MSS51: variants seen among roughly 807,000 people sequenced by gnomAD.
MSS51 encodes MSS51 mitochondrial translational activator.
In MSS51, 32 loss-of-function variants were observed where a neutral mutation model predicts 40.2. The ratio of observed to expected loss-of-function variants is 0.80; its 90% CI spans 0.60 to 1.07. MSS51 has a LOEUF of 1.07. Ranked by LOEUF, MSS51 falls within the 50% of genes least tolerant of loss-of-function variation. MSS51 has a pLI of 0.00. For missense variants in MSS51, 518 were observed against 568.9 expected, an observed-to-expected ratio of 0.91 and a Z score of 0.91; for synonymous variants, 178 against 214.2, an observed-to-expected ratio of 0.83 and a Z score of 1.48.
At position 73,426,637 on chromosome 10, in the gene MSS51, C is replaced by T; in HGVS notation, c.472G>A (p.Asp158Asn). Reference protein sequence around the residue: ...VCQELRLVAVDRLMEWLLVTG... With the variant: ...VCQELRLVAVNRLMEWLLVTG... ...ACCAGAAGCCATTCCATGAGACGGT[C>T]CACAGCCACAAGACGAAGCTCTTGA... Residue 158 changes from aspartate to asparagine, a missense_variant, in exon 4 of 7, where the codon GAC becomes AAC. By Grantham distance (23) the Asp-to-Asn change is conservative. Transcript: ENST00000299432. 1.2e-6 allele frequency: 2 copies of T among 1,614,234 alleles called. No homozygotes were observed. Among genetic ancestry groups the T allele is most frequent in the South Asian group, 1.1e-5 (1 of 91,090 alleles).
At chr10:73,427,794 T>A (rs372961817) in intron 2 of MSS51, 26 bp from the exon 3 acceptor site, 2 of 1,610,514 alleles carry the variant, frequency 1.2e-6, no homozygotes, top group East Asian at 4.5e-5. Flanking sequence ...GGAGAAGGAA[T>A]GACAATGGGG....
At position 73,424,609 on chromosome 10, in the gene MSS51, T is replaced by G. The variant is rs1243783146; in HGVS notation, c.1327A>C (p.Ser443Arg). Residue 443 changes from serine (S) to arginine (R), a missense_variant, in exon 7 of 7, where the codon AGC (serine) becomes CGC (arginine). Physicochemically the swap from Ser to Arg is moderately radical, Grantham distance 110 (BLOSUM62 -1). Coordinates refer to ENST00000299432, the MANE Select transcript of MSS51 (RefSeq NM_001024593.2). The part of the protein sequence containing the change: ...CSAYYIMFLG[S>R]SCQLDNRQLE... ...TGCCTATTATCCAGCTGACAGGAGC[T>G]TCCAAGAAACATGATATAGTATGCA... 1 of 1,614,024 alleles carries G rather than the reference T, an allele frequency of 6.2e-7. No homozygotes were observed. Among genetic ancestry groups the G allele is most frequent in the Non-Finnish European group, 8.5e-7 (1 of 1,180,014 alleles).
intron 6 of MSS51, 92 bp downstream of exon 6, chr10:73,425,006 G>T: frequency 1.0e-6 from 1 of 988,422 alleles, no homozygotes; most frequent in Non-Finnish European, 1.6e-6. Flanking sequence ...TCACCAGAAG[G>T]TAGATGAGCA....
At chr10:73,433,458 C>T (rs1009181108) in intron 1 of MSS51, 55 bp downstream of exon 1, 4 of 152,014 alleles carry the variant, frequency 2.6e-5, no homozygotes, top group African/African-American at 9.7e-5. Context: ...GTGATAAATA[C>T]TTTACTCAAT....
chr10:73,426,099 C>G lies in MSS51; in HGVS notation c.781G>C (p.Gly261Arg), dbSNP rs1406601311. The G allele has an allele frequency of 1.9e-6, 3 of 1,614,228 alleles. No individual in the cohort carries two copies. Among genetic ancestry groups the G allele is most frequent in the Non-Finnish European group, 2.5e-6 (3 of 1,180,040 alleles). ...RALGIDVRRT[G>R]GSTVHVVGAS... ...CCAACCACATGCACTGTGCTTCCCC[C>G]AGTCCTCCTAACATCTATCCCCAAG... Residue 261 changes from glycine (G) to arginine (R), a missense_variant, in exon 5 of 7, where the codon GGG becomes CGG. Gly to Arg is a moderately radical substitution (Grantham distance 125). Transcript: ENST00000299432.
intron 3 of MSS51, among the ~76,000 whole-genome samples, chr10:73,427,130 A>G (rs573653728): frequency 2.6e-5 from 4 of 152,238 alleles, no homozygotes; most frequent in African/African-American, 4.8e-5. Flanking sequence ...TCACTTCCCA[A>G]TAACACCAAA....
At chr10:73,427,310 G>T (rs1015883563) in intron 3 of MSS51, among the ~76,000 whole-genome samples, 4 of 124,404 alleles carry the variant, frequency 3.2e-5, no homozygotes, top group Non-Finnish European at 4.7e-5. Flanking sequence ...ACAGAGTCTC[G>T]CTCTGTCATC....
chr10:73,429,700 G>C, intron 1 of MSS51: 1 of 455,798 alleles, frequency 2.2e-6, no homozygotes, highest in South Asian at 1.5e-5. Context: ...TGAGTAAACA[G>C]AAAGGACCAT....
chr10:73,425,470 C>A (rs548604850), intron 5 of MSS51, among the ~76,000 whole-genome samples: 1 of 151,488 alleles, frequency 6.6e-6, no homozygotes, highest in Admixed American at 6.6e-5. Flanking sequence ...GTCAGGAGAT[C>A]GAGATCATCG....
chr10:73,428,163 C>T lies in MSS51; in HGVS notation c.122G>A (p.Ser41Asn), dbSNP rs777545701. Residue 41 changes from serine (S) to asparagine (N), a missense_variant, in exon 2 of 7, where the codon AGC (serine) becomes AAC (asparagine). By Grantham distance (46) the Ser-to-Asn change is conservative. Transcript: ENST00000299432. Reference protein sequence around the residue: ...VPLTPSKPGPSIDTLGFFSLD... With the variant: ...VPLTPSKPGPNIDTLGFFSLD... ...GGAGAAGAAGCCAAGTGTGTCAATG[C>T]TAGGGCCAGGTTTTGAGGGGGTCAG... 4 of 1,614,034 alleles carry T rather than the reference C, an allele frequency of 2.5e-6. No individual in the cohort carries two copies. Among genetic ancestry groups the T allele is most frequent in the Non-Finnish European group, 3.4e-6 (4 of 1,180,002 alleles).
Position 73,423,655 on chromosome 10 carries a change from C to A in MSS51, c.*898G>T, listed in dbSNP as rs376707652. 9.9e-5 allele frequency: 15 copies of A among 152,254 alleles called. No homozygotes were observed. The highest frequency in any genetic ancestry group is 3.4e-4 in the African/African-American group (14 of 41,546). 9.4% of individuals were successfully genotyped at this position (152,254 alleles called of 1,614,324 possible). A position where few individuals can be genotyped will look rare whatever the true frequency, so the allele number is the denominator to read the frequency against. On this transcript the variant is annotated 3_prime_UTR_variant, in exon 7 of 7. Coordinates refer to ENST00000299432, the MANE Select transcript of MSS51 (RefSeq NM_001024593.2). ...TAACTCCAGTATATTCAGGTAAAGT[C>A]TGATATAGCTTGGGATATCTAAAAT...
At chr10:73,425,005 G>A in intron 6 of MSS51, 93 bp downstream of exon 6, 1 of 982,356 alleles carries the variant, frequency 1.0e-6, no homozygotes, top group Non-Finnish European at 1.6e-6. Context: ...CTCACCAGAA[G>A]GTAGATGAGC....
At chr10:73,426,506 C>T in intron 4 of MSS51, 101 bp downstream of exon 4, 1 of 1,590,330 alleles carries the variant, frequency 6.3e-7, no homozygotes, top group Non-Finnish European at 8.6e-7. Context: ...CATCCTTTGC[C>T]CCACTTCCTC....
rs2056004531 is a variant in MSS51 at position 73,428,232 on chromosome 10, GC to G, written c.52del (p.Ala18LeufsTer11). On this transcript the variant is annotated frameshift_variant, in exon 2 of 7. Coordinates refer to ENST00000299432, the MANE Select transcript of MSS51 (RefSeq NM_001024593.2). LOFTEE classifies it high-confidence loss of function. The part of the protein sequence containing the change: ...RRHKKPPSSV[A>X]PIIMAPTTIV... ...TGTGGTTGGGGCCATGATGATGGGA[GC>G]CACTGATGAGGGAGGTTTCTTGTGC... 6.2e-7 allele frequency: 1 copy of G among 1,614,020 alleles called. No homozygotes were observed. Among genetic ancestry groups the G allele is most frequent in the African/African-American group, 1.3e-5 (1 of 74,918 alleles).
At position 73,424,768 on chromosome 10, in the gene MSS51, G is replaced by A. The variant is rs1040429327; in HGVS notation, c.1168C>T (p.Gln390Ter). 4 of 1,611,846 alleles carry A rather than the reference G, an allele frequency of 2.5e-6. No individual in the cohort carries two copies. Among genetic ancestry groups the A allele is most frequent in the Non-Finnish European group, 3.4e-6 (4 of 1,177,918 alleles). The change falls in exon 7 of 7, where the codon CAG becomes TAG. Residue 390 changes from glutamine (Q) to a stop codon, truncating the protein, a stop_gained. Transcript: ENST00000299432. LOFTEE classifies it high-confidence loss of function. ...IPTLITVYSH[Q>*]ELVSSLQILV... The stretch of plus-strand genomic sequence containing the variant: ...ATCTGCAAAGAGGATACCAACTCCT[G>A]ATGGCTGTAGAAGAGAGAGAAGAAA...
intron 1 of MSS51, among the ~76,000 whole-genome samples, chr10:73,432,536 C>T (rs1180259718): frequency 3.3e-5 from 5 of 152,116 alleles, no homozygotes; most frequent in Admixed American, 6.6e-5. Flanking sequence ...TTTACTTTTC[C>T]GCATTTCCAA....
At chr10:73,428,725 G>A (rs2056007819) in intron 1 of MSS51, among the ~76,000 whole-genome samples, 1 of 151,730 alleles carries the variant, frequency 6.6e-6, no homozygotes, top group Non-Finnish European at 1.5e-5. Flanking sequence ...GACCTCAGGT[G>A]ATCCACCCAC....
Position 73,423,797 on chromosome 10 carries a change from T to C in MSS51, c.*756A>G, listed in dbSNP as rs1259983377. On this transcript the variant is annotated 3_prime_UTR_variant, in exon 7 of 7. Transcript: ENST00000299432. ...GTACCAATGCTTACAACCTCATCCATGTTCCCAATGACTTCCCTGACTTGT... is the reference window on the plus strand; with the variant it reads ...GTACCAATGCTTACAACCTCATCCACGTTCCCAATGACTTCCCTGACTTGT... 2.0e-5 allele frequency: 3 copies of C among 152,378 alleles called. No homozygotes were observed. The highest frequency in any genetic ancestry group is 4.4e-5 in the Non-Finnish European group (3 of 68,044). 9.4% of individuals were successfully genotyped at this position (152,378 alleles called of 1,614,324 possible). A position where few individuals can be genotyped will look rare whatever the true frequency, so the allele number is the denominator to read the frequency against.
chr10:73,426,760 A>T, intron 3 of MSS51, 29 bp from the exon 4 acceptor site: 1 of 1,610,526 alleles, frequency 6.2e-7, no homozygotes, highest in Non-Finnish European at 8.5e-7. Flanking sequence ...AATAGTTCTT[A>T]TACTATAAAT....
Sources: allele counts gnomAD v4.1 joint callset (sites outside exome capture counted in the v4.1 genomes callset), GRCh38; gene constraint gnomAD v4.1.1; transcripts MANE v1.5; gene names NCBI Gene and HGNC (gene_info 2026-07-23, HGNC 2026-07-21).